FKTN: variants seen among roughly 807,000 people sequenced by gnomAD.
The protein encoded by FKTN is fukutin.
A neutral mutation model predicts 58.6 loss-of-function variants in FKTN; 47 were observed. The observed-to-expected ratio is 0.80, with a 90% CI of 0.63 to 1.02. The LOEUF is 1.02. Ranked by LOEUF, FKTN falls within the 50% of genes least tolerant of loss-of-function variation. The pLI is 0.00. For missense variants in FKTN, 516 were observed against 537.3 expected (o/e 0.96, Z 0.39); for synonymous variants, 178 against 191.9 (o/e 0.93, Z 0.60).
chr9:105,599,802 G>C (rs1430049233), intron 4 of FKTN, among the ~76,000 whole-genome samples: 1 of 152,062 alleles, frequency 6.6e-6, no homozygotes. Flanking sequence ...TTTTGCTGTT[G>C]AGTATGGCAC....
chr9:105,608,634 G>A (rs1470142592), intron 7 of FKTN, among the ~76,000 whole-genome samples: 1 of 152,178 alleles, frequency 6.6e-6, no homozygotes, highest in African/African-American at 2.4e-5. Context: ...ATTTTCTGGG[G>A]TTCCCTGCCA....
intron 3 of FKTN, among the ~76,000 whole-genome samples, chr9:105,593,403 A>C (rs918820733): frequency 3.3e-5 from 5 of 152,176 alleles, no homozygotes; most frequent in Non-Finnish European, 5.9e-5. Flanking sequence ...GGGGATTACA[A>C]TTCAGTATGA....
intron 7 of FKTN, among the ~76,000 whole-genome samples, chr9:105,609,343 CT>C (rs35639278): frequency 3.3e-4 from 49 of 149,922 alleles, no homozygotes; most frequent in East Asian, 1.4e-3. Flanking sequence ...GTACCGATAA[CT>C]TTTTTTTTTC....
chr9:105,582,903 C>T (rs1843270969), intron 3 of FKTN, among the ~76,000 whole-genome samples: 2 of 152,146 alleles, frequency 1.3e-5, no homozygotes, highest in Admixed American at 1.3e-4. Flanking sequence ...GTAGCTTAAA[C>T]AAATAGAGGA....
At chr9:105,562,832 A>G (rs1234230203) in intron 1 of FKTN, among the ~76,000 whole-genome samples, 1 of 152,194 alleles carries the variant, frequency 6.6e-6, no homozygotes, top group Non-Finnish European at 1.5e-5. Flanking sequence ...CATACTATCT[A>G]TGCCTCACTC....
At chr9:105,634,535 C>A (rs950827217) in intron 10 of FKTN, among the ~76,000 whole-genome samples, 8 of 152,062 alleles carry the variant, frequency 5.3e-5, no homozygotes, top group African/African-American at 1.9e-4. Flanking sequence ...TAAAGATGTT[C>A]TTTAGCATTT....
At chr9:105,584,742 C>CT (rs1257718745) in intron 3 of FKTN, among the ~76,000 whole-genome samples, 1 of 152,050 alleles carries the variant, frequency 6.6e-6, no homozygotes, top group Non-Finnish European at 1.5e-5. Flanking sequence ...ATCACTTGAG[C>CT]TTGGGAGATT....
chr9:105,598,198 T>A (rs1827171041), intron 4 of FKTN: 1 of 455,142 alleles, frequency 2.2e-6, no homozygotes, highest in African/African-American at 2.0e-5. Flanking sequence ...GTTCTCTTTA[T>A]ACTCTTTTAC....
rs530866642 is a variant in FKTN at position 105,618,861 on chromosome 9, A to C, written c.1044+769A>C. Among the ~76,000 whole-genome samples the C allele has an allele frequency of 1.4e-3, 210 of 151,974 alleles. 2 individuals carry two copies. Among genetic ancestry groups the C allele is most frequent in the African/African-American group, 4.7e-3 (194 of 41,442 alleles). On this transcript the variant is annotated intron_variant, in intron 9 of 10. Transcript: ENST00000357998. The stretch of plus-strand genomic sequence containing the variant: ...GAGGCGGGTGGATCATGAGGTCAGG[A>C]GATCGAGACCACAGTGAAACCCCAT...
At chr9:105,598,253 T>TG (rs1564276665) in intron 4 of FKTN, 11 of 377,444 alleles carry the variant, frequency 2.9e-5, no homozygotes, top group Middle Eastern at 4.3e-4. Context: ...ACTGAATGAC[T>TG]ATATTTGCAA....
intron 1 of FKTN, among the ~76,000 whole-genome samples, chr9:105,563,530 A>T (rs1405223663): frequency 2.0e-5 from 3 of 151,990 alleles, no homozygotes; most frequent in Admixed American, 6.6e-5. Context: ...GGAGGGTCCT[A>T]TGCCCACGGA....
In FKTN at chr9:105,638,995, C is replaced by T; in HGVS notation, c.*3731C>T. 2 of 985,238 alleles carry T rather than the reference C, an allele frequency of 2.0e-6. No individual in the cohort carries two copies. The highest frequency in any genetic ancestry group is 1.2e-6 in the Non-Finnish European group (1 of 829,816). 61.0% of individuals were successfully genotyped at this position (985,238 alleles called of 1,614,324 possible). A position where few individuals can be genotyped will look rare whatever the true frequency, so the allele number is the denominator to read the frequency against. Reference sequence around the variant, plus strand: ...TCCACACTTCAGTCTAAAATCTCACCCAAACTTATGGCTACATATTTTTCT... The same window carrying T: ...TCCACACTTCAGTCTAAAATCTCACTCAAACTTATGGCTACATATTTTTCT... On this transcript the variant is annotated 3_prime_UTR_variant, in exon 11 of 11. Coordinates refer to ENST00000357998, the MANE Select transcript of FKTN (RefSeq NM_001079802.2).
At position 105,601,159 on chromosome 9, in the gene FKTN, A is replaced by G. The variant is rs886042513; in HGVS notation, c.180A>G (p.Lys60=). The G allele has an allele frequency of 7.5e-6, 12 of 1,601,528 alleles. No individual in the cohort carries two copies. The highest frequency in any genetic ancestry group is 1.7e-5 in the Admixed American group (1 of 59,866). ...CTCTCAAACAGCGTGCAGTTAAAAA[A>G]TTTATTATGTTAACATCCAACCAAA... ...FDSTQWRAVK[K]FIMLTSNQNV... is the part of the protein sequence containing the mutation. Residue 60 remains lysine, a synonymous_variant, in exon 5 of 11, where the codon AAA becomes AAG. Transcript: ENST00000357998.
intron 1 of FKTN, among the ~76,000 whole-genome samples, chr9:105,563,345 G>A (rs1246271162): frequency 1.3e-5 from 2 of 152,082 alleles, no homozygotes; most frequent in Admixed American, 1.3e-4. Context: ...AGCCGAAGCA[G>A]GGCAAGGCAT....
chr9:105,596,733 G>GTTACACCAACAAC, intron 4 of FKTN, 76 bp downstream of exon 4: 1 of 1,078,828 alleles, frequency 9.3e-7, no homozygotes, highest in Non-Finnish European at 1.4e-6. Context: ...AGTATTTGTT[G>GTTACACCAACAAC]AATGATGGCA....
rs200091271 is a variant in FKTN, at chr9:105,635,102, G to A, written c.1224G>A (p.Lys408=). The part of the protein sequence containing the change: ...TLCWTEFVDM[K]VHVPCETLEY... Reference sequence around the variant, plus strand: ...GCTGGACTGAGTTTGTAGACATGAAGGTCCATGTACCCTGTGAAACCCTCG... The same window carrying A: ...GCTGGACTGAGTTTGTAGACATGAAAGTCCATGTACCCTGTGAAACCCTCG... The change falls in exon 11 of 11, where the codon AAG becomes AAA. Residue 408 remains lysine, a synonymous_variant. Coordinates refer to ENST00000357998, the MANE Select transcript of FKTN (RefSeq NM_001079802.2). 13 of 1,613,918 alleles carry A rather than the reference G, an allele frequency of 8.1e-6. No individual in the cohort carries two copies. The highest frequency in any genetic ancestry group is 1.3e-5 in the African/African-American group (1 of 74,882).
intron 7 of FKTN, among the ~76,000 whole-genome samples, chr9:105,609,331 C>A (rs543649990): frequency 1.3e-5 from 2 of 152,124 alleles, no homozygotes; most frequent in African/African-American, 4.8e-5. Flanking sequence ...GCTGCAAGTA[C>A]AGTACCGATA....
At chr9:105,577,732 G>A (rs1842016654) in intron 3 of FKTN, among the ~76,000 whole-genome samples, 1 of 151,104 alleles carries the variant, frequency 6.6e-6, no homozygotes, top group Non-Finnish European at 1.5e-5. Flanking sequence ...TGATGGGGAT[G>A]GCATTGAATC....
At chr9:105,592,728 A>G (rs1443823053) in intron 3 of FKTN, among the ~76,000 whole-genome samples, 1 of 152,202 alleles carries the variant, frequency 6.6e-6, no homozygotes, top group African/African-American at 2.4e-5. Flanking sequence ...GCCAGGGCAC[A>G]ATGCAGCCAG....
Sources: allele counts gnomAD v4.1 joint callset (sites outside exome capture counted in the v4.1 genomes callset), GRCh38; gene constraint gnomAD v4.1.1; transcripts MANE v1.5; gene names NCBI Gene and HGNC (gene_info 2026-07-23, HGNC 2026-07-21).